Variants in ATXN7 observed in about 807,000 individuals in gnomAD.
ATXN7 encodes ataxin-7.
In ATXN7, 12 loss-of-function variants were observed where a neutral mutation model predicts 70.5. The observed-to-expected ratio is 0.17, with a 90% CI of 0.11 to 0.28. The LOEUF is 0.28. Among genes scored for constraint, ATXN7 ranks in the 10% least tolerant of loss-of-function variants. The pLI, the probability that ATXN7 is intolerant of heterozygous loss-of-function variation, is 1.00. For missense variants in ATXN7, 1,256 were observed against 1,131.7 expected (o/e 1.11, Z -1.58); for synonymous variants, 498 against 448.7 (o/e 1.11, Z -1.39).
intron 1 of ATXN7, among the ~76,000 whole-genome samples, chr3:63,895,838 G>A (rs1703428488): frequency 6.6e-6 from 1 of 151,416 alleles, no homozygotes; most frequent in African/African-American, 2.4e-5. Context: ...TCTCCTGGGG[G>A]AAACGGGAGA....
chr3:63,863,483 C>T, upstream of ATXN7: 1 of 1,170,524 alleles, frequency 8.5e-7, no homozygotes, highest in Non-Finnish European at 1.1e-6. Flanking sequence ...TCCCAGCCCA[C>T]CGACCACGCT....
At chr3:63,961,730 TTAAG>T (rs1397762185) in intron 5 of ATXN7, among the ~76,000 whole-genome samples, 2 of 151,904 alleles carry the variant, frequency 1.3e-5, no homozygotes, top group Non-Finnish European at 2.9e-5. Flanking sequence ...TTAATAAAAA[TTAAG>T]TAAGAAATTA....
chr3:63,957,966 A>G (rs2106679669), intron 5 of ATXN7, among the ~76,000 whole-genome samples: 2 of 151,928 alleles, frequency 1.3e-5, no homozygotes, highest in East Asian at 3.9e-4. Context: ...ACCCTTTGTC[A>G]CCTATCGATA....
chr3:63,948,017 A>G (rs912436349), intron 4 of ATXN7, among the ~76,000 whole-genome samples: 4 of 152,156 alleles, frequency 2.6e-5, no homozygotes, highest in African/African-American at 9.7e-5. Flanking sequence ...GTAGAAAGCC[A>G]CTGGAGAATT....
intron 4 of ATXN7, among the ~76,000 whole-genome samples, chr3:63,929,692 C>T (rs1431214818): frequency 1.3e-5 from 2 of 152,078 alleles, no homozygotes; most frequent in Admixed American, 6.6e-5. Flanking sequence ...CCCATCTCTG[C>T]TTGCCCGGGT....
At chr3:63,879,614 C>T (rs1289027669) in intron 1 of ATXN7, among the ~76,000 whole-genome samples, 2 of 151,582 alleles carry the variant, frequency 1.3e-5, no homozygotes, top group Non-Finnish European at 2.9e-5. Context: ...GCCTCAGCCT[C>T]CCGAGTAGCT....
chr3:63,913,367 G>C, intron 4 of ATXN7, 142 bp downstream of exon 4: 1 of 894,486 alleles, frequency 1.1e-6, no homozygotes, highest in Non-Finnish European at 1.7e-6. Context: ...GAGGGAGGGA[G>C]GGGGCAGAGC....
At chr3:63,876,473 T>A (rs1478752120) in intron 1 of ATXN7, among the ~76,000 whole-genome samples, 1 of 152,218 alleles carries the variant, frequency 6.6e-6, no homozygotes, top group Non-Finnish European at 1.5e-5. Flanking sequence ...TGTTCAAATT[T>A]ACTAGCTTCC....
intron 5 of ATXN7, among the ~76,000 whole-genome samples, chr3:63,960,879 T>C (rs769311547): frequency 3.9e-5 from 6 of 152,212 alleles, no homozygotes; most frequent in Admixed American, 3.9e-4. Flanking sequence ...TTCAGTTTTT[T>C]AATGTTTCTG....
In ATXN7 at chr3:63,863,910, G is replaced by A; in HGVS notation, c.-359G>A. 9.8e-6 allele frequency: 10 copies of A among 1,017,528 alleles called. No individual in the cohort carries two copies. The highest frequency in any genetic ancestry group is 1.2e-5 in the Non-Finnish European group (10 of 839,098). 63.0% of individuals were successfully genotyped at this position (1,017,528 alleles called of 1,614,324 possible). On this transcript the variant is annotated 5_prime_UTR_variant, in exon 1 of 13. Coordinates refer to ENST00000674280, the MANE Select transcript of ATXN7 (RefSeq NM_001377405.1). ...CAGCCATGGAGGAGGAGGCGGCGGC[G>A]CCCGCGGCCGCCTGCTCCGACGCCT...
At chr3:63,895,486 A>G (rs1575858833) in intron 1 of ATXN7, among the ~76,000 whole-genome samples, 2 of 151,344 alleles carry the variant, frequency 1.3e-5, no homozygotes, top group South Asian at 2.1e-4. Context: ...TTTTTTTACT[A>G]TCTTGGACAA....
At chr3:63,885,275 C>G (rs1703054054) in intron 1 of ATXN7, among the ~76,000 whole-genome samples, 1 of 151,858 alleles carries the variant, frequency 6.6e-6, no homozygotes, top group Non-Finnish European at 1.5e-5. Context: ...ACAGATAACC[C>G]AATTAAAAAA....
Position 63,999,592 on chromosome 3 carries a change from G to A in ATXN7, c.*125G>A. 1 of 1,519,582 alleles carries A rather than the reference G, an allele frequency of 6.6e-7. No individual in the cohort carries two copies. Among genetic ancestry groups the A allele is most frequent in the Non-Finnish European group, 9.0e-7 (1 of 1,114,582 alleles). 94.1% of individuals were successfully genotyped at this position (1,519,582 alleles called of 1,614,324 possible). A position where few individuals can be genotyped will look rare whatever the true frequency, so the allele number is the denominator to read the frequency against. ...TTCCCAACCTCCTGTGGGCCTCAAG[G>A]GTAGAAACCTGCCGGGCTGTTGTTT... On this transcript the variant is annotated 3_prime_UTR_variant, in exon 13 of 13. Coordinates refer to ENST00000674280, the MANE Select transcript of ATXN7 (RefSeq NM_001377405.1).
intron 1 of ATXN7, among the ~76,000 whole-genome samples, chr3:63,884,274 C>G (rs1349194905): frequency 1.3e-5 from 2 of 151,562 alleles, no homozygotes; most frequent in Non-Finnish European, 2.9e-5. Context: ...CATTCACTCT[C>G]TCTCTCTCCA....
chr3:63,980,280 G>A, intron 6 of ATXN7, 113 bp downstream of exon 6: 1 of 1,371,956 alleles, frequency 7.3e-7, no homozygotes, highest in South Asian at 1.4e-5. Flanking sequence ...ACTTGGGGAA[G>A]AATTCAAATG....
At chr3:63,937,032 A>C (rs1041291063) in intron 4 of ATXN7, among the ~76,000 whole-genome samples, 4 of 152,230 alleles carry the variant, frequency 2.6e-5, no homozygotes, top group Non-Finnish European at 5.9e-5. Context: ...CTAAAAAATA[A>C]GAGTGAAAAT....
intron 1 of ATXN7, among the ~76,000 whole-genome samples, chr3:63,894,764 T>C (rs1302699184): frequency 1.3e-5 from 2 of 152,124 alleles, no homozygotes; most frequent in South Asian, 2.1e-4. Flanking sequence ...ACTTAAGCAG[T>C]CCTCCTGCTT....
At chr3:63,930,158 G>T (rs903182037) in intron 4 of ATXN7, among the ~76,000 whole-genome samples, 4 of 152,164 alleles carry the variant, frequency 2.6e-5, no homozygotes, top group African/African-American at 9.7e-5. Context: ...GAGAGGTCAG[G>T]CTTTAATGCT....
At chr3:63,956,904 C>T (rs181294007) in intron 5 of ATXN7, among the ~76,000 whole-genome samples, 36 of 152,248 alleles carry the variant, frequency 2.4e-4, no homozygotes, top group African/African-American at 6.7e-4. Flanking sequence ...GGTGACGTTC[C>T]GAAAGTCAGA....
Sources: allele counts gnomAD v4.1 joint callset (sites outside exome capture counted in the v4.1 genomes callset), GRCh38; gene constraint gnomAD v4.1.1; transcripts MANE v1.5; gene names NCBI Gene and HGNC (gene_info 2026-07-23, HGNC 2026-07-21).